The following CSMD1 variants were observed in gnomAD, a reference collection of about 807,000 sequenced individuals.
CSMD1 encodes CUB and Sushi multiple domains 1.
In CSMD1, 213 loss-of-function variants were observed where a neutral mutation model predicts 417.5. The observed-to-expected ratio is 0.51, with a 90% CI of 0.46 to 0.57. The LOEUF (loss-of-function observed/expected upper bound fraction) is 0.57. Ranked by LOEUF, CSMD1 falls within the 20% of genes least tolerant of loss-of-function variation. CSMD1 has a pLI of 0.00. For missense variants in CSMD1, 6,923 were observed against 4,529.7 expected (o/e 1.53, Z -15.17); for synonymous variants, 2,862 against 1,736.8 (o/e 1.65, Z -16.11).
intron 1 of CSMD1, among the ~76,000 whole-genome samples, chr8:4,839,958 T>C (rs1800739665): frequency 6.6e-6 from 1 of 152,152 alleles, no homozygotes; most frequent in South Asian, 2.1e-4. Context: ...CCAAAAGTCT[T>C]CAGTGTTTGC....
intron 1 of CSMD1, among the ~76,000 whole-genome samples, chr8:4,672,388 A>G (rs1805386046): frequency 6.6e-6 from 1 of 152,206 alleles, no homozygotes; most frequent in South Asian, 2.1e-4. Flanking sequence ...GAGCCTGTTC[A>G]CATTCTCACA....
intron 8 of CSMD1, among the ~76,000 whole-genome samples, chr8:3,609,992 G>T (rs1801812816): frequency 6.6e-6 from 1 of 151,690 alleles, no homozygotes; most frequent in African/African-American, 2.4e-5. Flanking sequence ...AGTAGAGACA[G>T]GATTTCAACT....
intron 7 of CSMD1, among the ~76,000 whole-genome samples, chr8:3,623,262 C>A (rs879494350): frequency 6.6e-6 from 1 of 152,170 alleles, no homozygotes; most frequent in Non-Finnish European, 1.5e-5. Flanking sequence ...AACCTTGTGA[C>A]TCTGCAGGGC....
rs1039639068 is a variant in CSMD1, at chr8:3,505,476, G to A, written c.1345-11750C>T. On this transcript the variant is annotated intron_variant, in intron 10 of 69. Coordinates refer to ENST00000635120, the MANE Select transcript of CSMD1 (RefSeq NM_033225.6). ...CACTTTCACGACTGATTAAAGAGTT[G>A]AGAAGGAAGATAAAAGTGCTTCATT... Among the ~76,000 whole-genome samples the A allele has an allele frequency of 7.9e-5, 12 of 152,278 alleles. No homozygotes were observed. In the East Asian group the frequency reaches 1.2e-3, roughly 15 times the overall value.
At chr8:3,718,281 T>C (rs990945223) in intron 6 of CSMD1, among the ~76,000 whole-genome samples, 3 of 133,038 alleles carry the variant, frequency 2.3e-5, no homozygotes, top group Non-Finnish European at 4.8e-5. Flanking sequence ...CTTACAAATA[T>C]TCAGGCATTC....
At chr8:2,991,551 A>AT (rs879582589) in intron 54 of CSMD1, among the ~76,000 whole-genome samples, 17 of 152,208 alleles carry the variant, frequency 1.1e-4, no homozygotes, top group Non-Finnish European at 1.5e-4. Flanking sequence ...TGGAATTTGA[A>AT]TTTTTTTAAC....
At chr8:4,028,743 T>C (rs960958701) in intron 4 of CSMD1, among the ~76,000 whole-genome samples, 1 of 152,182 alleles carries the variant, frequency 6.6e-6, no homozygotes, top group Non-Finnish European at 1.5e-5. Flanking sequence ...AATTATTACA[T>C]TAGTGCTTGT....
At position 3,107,656 on chromosome 8, in the gene CSMD1, G is replaced by A. The variant is rs1478238957; in HGVS notation, c.6835+62C>T. On this transcript the variant is annotated intron_variant, in intron 45 of 69. Transcript: ENST00000635120. The stretch of plus-strand genomic sequence containing the variant: ...AACTTGTCTGAGTAATGATTACAAT[G>A]AGAAGTGGGTGTAAAAAAATGTCGT... The A allele has an allele frequency of 7.8e-6, 7 of 900,280 alleles. 1 individual carries two copies. The South Asian group carries it at 8.6e-5, about 11-fold the overall frequency. 55.8% of individuals were successfully genotyped at this position (900,280 alleles called of 1,614,324 possible). A position where few individuals can be genotyped will look rare whatever the true frequency, so the allele number is the denominator to read the frequency against.
intron 41 of CSMD1, among the ~76,000 whole-genome samples, chr8:3,129,827 A>G (rs983565392): frequency 2.0e-5 from 3 of 152,090 alleles, no homozygotes. Context: ...TGTCTCTACT[A>G]AAAATACAAA....
In CSMD1 at chr8:2,974,640, A is replaced by G. The variant is rs1458089668; in HGVS notation, c.8567-16T>C. On this transcript the variant is annotated splice_polypyrimidine_tract_variant and intron_variant, in intron 55 of 69. Transcript: ENST00000635120. The stretch of plus-strand genomic sequence containing the variant: ...CACGATATAGCTTCAGAAAAAAGAT[A>G]AAACAATTGAGTACATCCTTCCAGT... 1 of 1,556,136 alleles carries G rather than the reference A, an allele frequency of 6.4e-7. No individual in the cohort carries two copies. Among genetic ancestry groups the G allele is most frequent in the East Asian group, 2.4e-5 (1 of 42,448 alleles).
intron 12 of CSMD1, among the ~76,000 whole-genome samples, chr8:3,453,239 T>C (rs1390106320): frequency 2.6e-5 from 4 of 152,160 alleles, no homozygotes; most frequent in Non-Finnish European, 5.9e-5. Flanking sequence ...AGTCTATCAA[T>C]TTTGTTGATC....
chr8:3,654,798 G>A (rs1798022544), intron 7 of CSMD1, among the ~76,000 whole-genome samples: 1 of 152,156 alleles, frequency 6.6e-6, no homozygotes, highest in African/African-American at 2.4e-5. Flanking sequence ...TCTACCAGCT[G>A]CCTCAGGGCT....
chr8:4,074,547 T>C (rs1399602181), intron 3 of CSMD1, among the ~76,000 whole-genome samples: 1 of 152,122 alleles, frequency 6.6e-6, no homozygotes, highest in Non-Finnish European at 1.5e-5. Context: ...ACCATAAATA[T>C]TCCCAGTGGA....
chr8:2,995,965 T>C (rs537979020), intron 54 of CSMD1, among the ~76,000 whole-genome samples: 56 of 152,274 alleles, frequency 3.7e-4, no homozygotes, highest in African/African-American at 1.2e-3. Context: ...ATGGACATTC[T>C]CCATCTTGAC....
chr8:3,906,112 G>A (rs1184315440), intron 5 of CSMD1, among the ~76,000 whole-genome samples: 1 of 152,128 alleles, frequency 6.6e-6, no homozygotes, highest in East Asian at 1.9e-4. Context: ...CCTCAGAGTT[G>A]CTGTGGGAAT....
chr8:4,769,781 G>C (rs1796512321), intron 1 of CSMD1, among the ~76,000 whole-genome samples: 2 of 152,054 alleles, frequency 1.3e-5, no homozygotes, highest in South Asian at 2.1e-4. Flanking sequence ...TTTACAATGT[G>C]AATTGCCACG....
intron 11 of CSMD1, among the ~76,000 whole-genome samples, chr8:3,473,644 C>T (rs1165200907): frequency 2.0e-5 from 3 of 152,092 alleles, no homozygotes; most frequent in Admixed American, 6.5e-5. Flanking sequence ...TAGATACTGG[C>T]TTTGATTAAA....
At position 4,265,630 on chromosome 8, in the gene CSMD1, A is replaced by G. The variant is rs1286709725; in HGVS notation, c.415+154323T>C. Among the ~76,000 whole-genome samples the G allele has an allele frequency of 1.3e-4, 14 of 105,818 alleles. 6 individuals carry two copies. The highest frequency in any genetic ancestry group is 3.3e-4 in the Non-Finnish European group (13 of 39,336). The allele number at this position is 105,818 out of a possible 152,430, so 69.4% of individuals were successfully genotyped here. On this transcript the variant is annotated intron_variant, in intron 3 of 69. Transcript: ENST00000635120. ...ATTATTAAAAATAATGAGATTAAAA[A>G]CAAATATATTAGGGAAAAATTCTGT...
intron 46 of CSMD1, among the ~76,000 whole-genome samples, chr8:3,105,719 C>T (rs1053573585): frequency 1.5e-4 from 23 of 152,098 alleles, no homozygotes; most frequent in Admixed American, 1.5e-3. Context: ...TATTAAACAC[C>T]AGCTAATTAT....
Sources: allele counts gnomAD v4.1 joint callset (sites outside exome capture counted in the v4.1 genomes callset), GRCh38; gene constraint gnomAD v4.1.1; transcripts MANE v1.5; gene names NCBI Gene and HGNC (gene_info 2026-07-23, HGNC 2026-07-21).